The following ARK2C variants were observed in gnomAD, a reference collection of about 807,000 sequenced individuals.
ARK2C encodes arkadia (RNF111) C-terminal like ring finger ubiquitin ligase 2C, also known as E3 ubiquitin-protein ligase ARK2C.
chr18:46,336,646 G>C, the ARK2C span: 1 of 985,428 alleles, frequency 1.0e-6, no homozygotes, highest in Non-Finnish European at 1.2e-6. Flanking sequence ...TAGTAGTGTA[G>C]GATGTAGGCC....
At chr18:46,373,146 A>G in the ARK2C span, among the ~76,000 whole-genome samples, 1 of 152,256 alleles carries the variant, frequency 6.6e-6, no homozygotes, top group Non-Finnish European at 1.5e-5. Context: ...ACACCCAGGT[A>G]AGCAGAAGGG....
At chr18:46,435,265 G>C in the ARK2C span, 1 of 1,607,128 alleles carries the variant, frequency 6.2e-7, no homozygotes, top group Middle Eastern at 1.7e-4. Flanking sequence ...CTGACACGAG[G>C]GCTCTCCATC....
At chr18:46,444,681 T>C in the ARK2C span, among the ~76,000 whole-genome samples, 1 of 151,942 alleles carries the variant, frequency 6.6e-6, no homozygotes, top group African/African-American at 2.4e-5. Flanking sequence ...CTATGTTTTC[T>C]GGGCTAGCCT....
At chr18:46,461,044 G>A in the ARK2C span, 1 of 152,246 alleles carries the variant, frequency 6.6e-6, no homozygotes, top group Non-Finnish European at 1.5e-5. Context: ...GTCTCCACCT[G>A]GCCTCCAACT....
the ARK2C span, among the ~76,000 whole-genome samples, chr18:46,409,384 T>A: frequency 6.6e-6 from 1 of 152,164 alleles, no homozygotes; most frequent in Non-Finnish European, 1.5e-5. Flanking sequence ...TCCTTTGAGG[T>A]TTGGCCCATC....
chr18:46,403,729 T>C, the ARK2C span, among the ~76,000 whole-genome samples: 1 of 152,012 alleles, frequency 6.6e-6, no homozygotes, highest in East Asian at 1.9e-4. Context: ...AATATAAGAA[T>C]TAGCCAGGCG....
At chr18:46,397,489 G>GGGGTGT in the ARK2C span, among the ~76,000 whole-genome samples, 336 of 101,984 alleles carry the variant, frequency 3.3e-3, 12 homozygotes, top group African/African-American at 0.015. Flanking sequence ...GAGGTGTGAG[G>GGGGTGT]GTGTGTGTGT....
the ARK2C span, among the ~76,000 whole-genome samples, chr18:46,354,460 C>T: frequency 9.8e-5 from 15 of 152,338 alleles, no homozygotes; most frequent in East Asian, 2.5e-3. Flanking sequence ...GGCCCATAGG[C>T]GCCCAAACCC....
At chr18:46,449,271 G>A in the ARK2C span, among the ~76,000 whole-genome samples, 1 of 152,196 alleles carries the variant, frequency 6.6e-6, no homozygotes, top group Non-Finnish European at 1.5e-5. Context: ...GGCGAGTGAG[G>A]CAGGCCATGC....
At chr18:46,345,511 C>G in the ARK2C span, among the ~76,000 whole-genome samples, 2 of 152,184 alleles carry the variant, frequency 1.3e-5, no homozygotes, top group Non-Finnish European at 2.9e-5. Flanking sequence ...CTGGGTATTC[C>G]CTAAGTCAGG....
At chr18:46,372,735 C>T in the ARK2C span, among the ~76,000 whole-genome samples, 1 of 152,352 alleles carries the variant, frequency 6.6e-6, no homozygotes, top group Admixed American at 6.5e-5. Flanking sequence ...GCTTCTGTTA[C>T]CTGTGGCCAG....
chr18:46,376,287 T>C, the ARK2C span, among the ~76,000 whole-genome samples: 1 of 152,230 alleles, frequency 6.6e-6, no homozygotes, highest in Non-Finnish European at 1.5e-5. Context: ...GTCAAGAATC[T>C]CTATGAGGTA....
the ARK2C span, chr18:46,458,266 G>C: frequency 6.5e-6 from 1 of 152,744 alleles, no homozygotes; most frequent in South Asian, 2.1e-4. Context: ...AGAGATAAGA[G>C]GACAGAAGAA....
the ARK2C span, among the ~76,000 whole-genome samples, chr18:46,399,565 T>C: frequency 1.3e-5 from 2 of 152,128 alleles, no homozygotes; most frequent in Non-Finnish European, 2.9e-5. Context: ...TGGACTTTGA[T>C]GGGAAAACGG....
At chr18:46,461,173 T>C in the ARK2C span, 1 of 152,256 alleles carries the variant, frequency 6.6e-6, no homozygotes, top group Non-Finnish European at 1.5e-5. Flanking sequence ...ATCTGCTCCA[T>C]GACAGACGTC....
the ARK2C span, among the ~76,000 whole-genome samples, chr18:46,451,694 A>G: frequency 6.6e-6 from 1 of 152,188 alleles, no homozygotes; most frequent in South Asian, 2.1e-4. Flanking sequence ...AGTCCTAGTT[A>G]CTAGGGAGGC....
chr18:46,343,368 T>A, the ARK2C span, among the ~76,000 whole-genome samples: 8 of 152,234 alleles, frequency 5.3e-5, no homozygotes, highest in African/African-American at 1.9e-4. Context: ...TTTCCTTCCA[T>A]CAATTCTCAG....
chr18:46,358,371 G>C, the ARK2C span, among the ~76,000 whole-genome samples: 2 of 152,308 alleles, frequency 1.3e-5, no homozygotes, highest in East Asian at 3.9e-4. Context: ...GCAGAGGCAG[G>C]AATGTACACA....
chr18:46,425,775 C>T, the ARK2C span, among the ~76,000 whole-genome samples: 41 of 152,286 alleles, frequency 2.7e-4, 1 homozygote, highest in African/African-American at 9.1e-4. Context: ...GCACTGTCCT[C>T]CTCCCTGGGA....
Sources: allele counts gnomAD v4.1 joint callset (sites outside exome capture counted in the v4.1 genomes callset), GRCh38; gene constraint gnomAD v4.1.1; transcripts MANE v1.5; gene names NCBI Gene and HGNC (gene_info 2026-07-23, HGNC 2026-07-21).